Variants in FBRSL1 observed in about 807,000 individuals in gnomAD.
FBRSL1 encodes fibrosin-1-like protein.
A neutral mutation model predicts 89.6 loss-of-function variants in FBRSL1; 51 were observed. The ratio of observed to expected loss-of-function variants is 0.57; its 90% CI spans 0.45 to 0.72. The LOEUF is 0.72. Among genes scored for constraint, FBRSL1 ranks in the 30% least tolerant of loss-of-function variants. The pLI, the probability that FBRSL1 is intolerant of heterozygous loss-of-function variation, is 0.00. For synonymous variants in FBRSL1, 779 were observed against 681.1 expected (o/e 1.14, Z -2.24); for missense variants, 1,618 against 1,451.8 (o/e 1.11, Z -1.86).
At chr12:132,518,215 T>TCATC (rs1052893568) in intron 2 of FBRSL1, among the ~76,000 whole-genome samples, 10 of 152,140 alleles carry the variant, frequency 6.6e-5, no homozygotes, top group Non-Finnish European at 1.2e-4. Flanking sequence ...GTAGTGTATC[T>TCATC]CATCCATCCA....
At chr12:132,531,277 C>T (rs1046771519) in intron 4 of FBRSL1, among the ~76,000 whole-genome samples, 8 of 152,170 alleles carry the variant, frequency 5.3e-5, no homozygotes, top group African/African-American at 1.2e-4. Context: ...GTGCTGAAGC[C>T]TGGGACCCAC....
intron 9 of FBRSL1, chr12:132,571,601 C>A: frequency 8.8e-6 from 9 of 1,021,262 alleles, no homozygotes; most frequent in Non-Finnish European, 1.2e-5. Context: ...CACAGACACA[C>A]GCTCGCACAC....
At chr12:132,571,940 A>C in intron 9 of FBRSL1, 1 of 379,954 alleles carries the variant, frequency 2.6e-6, no homozygotes. Context: ...CTCGAGTTTT[A>C]TTCGGAAACT....
chr12:132,511,218 A>T, intron 2 of FBRSL1: 2 of 981,294 alleles, frequency 2.0e-6, no homozygotes, highest in Non-Finnish European at 1.2e-6. Flanking sequence ...TGCCTCCACC[A>T]CCCCCGTGGG....
chr12:132,497,752 C>T (rs895856678), intron 1 of FBRSL1, among the ~76,000 whole-genome samples: 2 of 152,142 alleles, frequency 1.3e-5, no homozygotes, highest in African/African-American at 4.8e-5. Context: ...TCTAACCCTT[C>T]TTAGTGGCCC....
chr12:132,563,525 T>C (rs1322159802), intron 5 of FBRSL1, among the ~76,000 whole-genome samples: 1 of 152,040 alleles, frequency 6.6e-6, no homozygotes, highest in East Asian at 1.9e-4. Context: ...GGCTTCTCAT[T>C]GCGCTCTTGG....
intron 11 of FBRSL1, among the ~76,000 whole-genome samples, chr12:132,572,872 A>G (rs2040132259): frequency 6.6e-6 from 1 of 152,188 alleles, no homozygotes; most frequent in South Asian, 2.1e-4. Context: ...GACCGTGTGG[A>G]GAGCACACTG....
chr12:132,524,846 T>TA (rs1189582454), intron 2 of FBRSL1, among the ~76,000 whole-genome samples: 2 of 152,092 alleles, frequency 1.3e-5, no homozygotes, highest in Non-Finnish European at 2.9e-5. Context: ...TATTTCCAAG[T>TA]AAAAAAAGTA....
Position 132,581,650 on chromosome 12 carries a change from G to A in FBRSL1, c.1913-91G>A, listed in dbSNP as rs2040757016. 7 of 1,490,446 alleles carry A rather than the reference G, an allele frequency of 4.7e-6. No individual in the cohort carries two copies. The Admixed American group carries it at 7.9e-5, about 17-fold the overall frequency. 92.3% of individuals were successfully genotyped at this position (1,490,446 alleles called of 1,614,324 possible). A position where few individuals can be genotyped will look rare whatever the true frequency, so the allele number is the denominator to read the frequency against. On this transcript the variant is annotated intron_variant, in intron 16 of 18. Transcript: ENST00000680143. Reference sequence around the variant, plus strand: ...GGGTCATGCAGGCAGTACCCACCAGGCCCAAAGCCTCTACAGCAGCCCCCA... The same window carrying A: ...GGGTCATGCAGGCAGTACCCACCAGACCCAAAGCCTCTACAGCAGCCCCCA...
At chr12:132,562,243 C>T (rs2039190930) in intron 5 of FBRSL1, among the ~76,000 whole-genome samples, 2 of 152,160 alleles carry the variant, frequency 1.3e-5, no homozygotes, top group African/African-American at 4.8e-5. Context: ...CCACATGCCC[C>T]AACCTCCAGG....
intron 1 of FBRSL1, among the ~76,000 whole-genome samples, chr12:132,492,343 G>A (rs919597277): frequency 3.9e-5 from 6 of 152,064 alleles, no homozygotes; most frequent in Non-Finnish European, 8.8e-5. Context: ...CCCCACCCCC[G>A]TCGACGTTGC....
At chr12:132,575,058 G>T (rs530340530) in intron 14 of FBRSL1, among the ~76,000 whole-genome samples, 30 of 152,202 alleles carry the variant, frequency 2.0e-4, no homozygotes, top group African/African-American at 7.2e-4. Flanking sequence ...TGCGGGAGCG[G>T]GAGAGGGTCC....
chr12:132,493,868 T>C (rs113790222), intron 1 of FBRSL1, among the ~76,000 whole-genome samples: 74 of 152,052 alleles, frequency 4.9e-4, no homozygotes, highest in African/African-American at 1.8e-3. Context: ...TAAATGGTGG[T>C]GGTGGTGGTT....
intron 2 of FBRSL1, among the ~76,000 whole-genome samples, chr12:132,508,683 A>G (rs923206121): frequency 4.6e-5 from 7 of 152,236 alleles, no homozygotes; most frequent in African/African-American, 1.7e-4. Flanking sequence ...CGCCGACTAC[A>G]GGTGTCCAGA....
At chr12:132,492,571 G>C (rs1038326803) in intron 1 of FBRSL1, among the ~76,000 whole-genome samples, 2 of 152,234 alleles carry the variant, frequency 1.3e-5, no homozygotes, top group African/African-American at 4.8e-5. Flanking sequence ...CTGTACTCAG[G>C]AGATCCAGGG....
intron 11 of FBRSL1, 75 bp downstream of exon 11, chr12:132,572,697 C>A: frequency 2.8e-6 from 3 of 1,058,990 alleles, no homozygotes; most frequent in Non-Finnish European, 4.2e-6. Flanking sequence ...ACAACCTCGC[C>A]AAACTCTCTG....
chr12:132,572,093 C>A (rs556856961), intron 9 of FBRSL1, 195 bp from the exon 10 acceptor site: 6 of 594,060 alleles, frequency 1.0e-5, no homozygotes, highest in African/African-American at 3.7e-5. Context: ...ATGGCAGGGC[C>A]GCCCTGGTCT....
At chr12:132,580,873 G>A (rs775123256) in intron 15 of FBRSL1, 6 of 985,400 alleles carry the variant, frequency 6.1e-6, no homozygotes, top group Non-Finnish European at 7.2e-6. Flanking sequence ...CCCTCCCAGG[G>A]CCCGGGCCCA....
chr12:132,505,136 A>C (rs1239650847), intron 1 of FBRSL1, among the ~76,000 whole-genome samples: 2 of 152,194 alleles, frequency 1.3e-5, no homozygotes, highest in African/African-American at 4.8e-5. Flanking sequence ...AAAAACAAAA[A>C]GATAAGCGGG....
Sources: gnomAD v4.1 joint callset for allele counts (sites outside exome capture counted in the v4.1 genomes callset) on GRCh38, gnomAD v4.1.1 for gene constraint, MANE v1.5 for transcripts, NCBI Gene and HGNC (gene_info 2026-07-23, HGNC 2026-07-21) for gene names.